RMDN2: variants seen among roughly 807,000 people sequenced by gnomAD.
RMDN2 encodes regulator of microtubule dynamics protein 2.
A neutral mutation model predicts 52.8 loss-of-function variants in RMDN2; 61 were observed. The ratio of observed to expected loss-of-function variants is 1.16; its 90% CI spans 0.94 to 1.43. The LOEUF (loss-of-function observed/expected upper bound fraction) is 1.43, where lower values mean the gene tolerates loss of function less well. Ranked by LOEUF, RMDN2 falls within the 40% of genes most tolerant of loss-of-function variation. The probability of loss-of-function intolerance (pLI) is 0.00; values close to 1 mark genes in which losing one functional copy is unlikely to be tolerated. For missense variants in RMDN2, 592 were observed against 475.3 expected, an observed-to-expected ratio of 1.25 and a Z score of -2.28; for synonymous variants, 180 against 153.1, an observed-to-expected ratio of 1.18 and a Z score of -1.30.
chr2:37,946,719 T>C (rs978616761), intron 2 of RMDN2, among the ~76,000 whole-genome samples: 2 of 152,168 alleles, frequency 1.3e-5, no homozygotes, highest in Admixed American at 6.6e-5. Context: ...GATGATTCTT[T>C]TTTTCAATAG....
intron 2 of RMDN2, among the ~76,000 whole-genome samples, chr2:37,934,836 T>C (rs1326398153): frequency 6.6e-6 from 1 of 152,230 alleles, no homozygotes; most frequent in African/African-American, 2.4e-5. Flanking sequence ...CCTCTCTTTG[T>C]CATATTTGAC....
intron 4 of RMDN2, among the ~76,000 whole-genome samples, chr2:37,977,582 G>A (rs959508739): frequency 5.9e-5 from 9 of 151,626 alleles, no homozygotes; most frequent in Non-Finnish European, 1.0e-4. Context: ...GCTGCTGGGC[G>A]GAGGGGCTCC....
chr2:37,926,046 G>C (rs1666251794), intron 1 of RMDN2, among the ~76,000 whole-genome samples: 1 of 152,218 alleles, frequency 6.6e-6, no homozygotes, highest in South Asian at 2.1e-4. Context: ...CCAGGACGCT[G>C]TAGGAAATCT....
intron 2 of RMDN2, among the ~76,000 whole-genome samples, chr2:37,972,878 C>T (rs537122042): frequency 8.1e-4 from 124 of 152,232 alleles, no homozygotes; most frequent in African/African-American, 3.0e-3. Context: ...GTAGAGTTTC[C>T]GTTAGTAAAG....
chr2:38,030,462 CAT>C (rs1291695547), intron 10 of RMDN2: 2 of 152,158 alleles, frequency 1.3e-5, no homozygotes, highest in African/African-American at 4.8e-5. Context: ...CACAGAGGAT[CAT>C]TCTTAACAAC....
At chr2:37,947,297 T>G (rs1346551293) in intron 2 of RMDN2, among the ~76,000 whole-genome samples, 1 of 151,964 alleles carries the variant, frequency 6.6e-6, no homozygotes, top group Non-Finnish European at 1.5e-5. Context: ...TATGTAGTAT[T>G]TGACTTTCTG....
At chr2:38,063,809 G>T (rs982750301) in intron 10 of RMDN2, among the ~76,000 whole-genome samples, 1 of 152,148 alleles carries the variant, frequency 6.6e-6, no homozygotes, top group Non-Finnish European at 1.5e-5. Context: ...GAAAGTTCCA[G>T]TAGTTTCACA....
upstream of RMDN2, among the ~76,000 whole-genome samples, chr2:37,921,723 G>A (rs570535290): frequency 6.7e-3 from 1,028 of 152,322 alleles, 4 homozygotes; most frequent in African/African-American, 0.023. Context: ...TGGGTTAAGA[G>A]AAAAGGCTCT....
chr2:37,983,994 G>T (rs569351069), intron 5 of RMDN2, among the ~76,000 whole-genome samples: 1 of 152,198 alleles, frequency 6.6e-6, no homozygotes, highest in African/African-American at 2.4e-5. Flanking sequence ...TTACTATCTG[G>T]CCCTACTGCA....
intron 7 of RMDN2, among the ~76,000 whole-genome samples, chr2:37,996,137 C>G (rs1349847223): frequency 1.3e-5 from 2 of 152,034 alleles, no homozygotes; most frequent in Admixed American, 6.6e-5. Context: ...ACTCATTATC[C>G]TGGATGAAAT....
At chr2:37,982,505 A>G (rs1232008071) in intron 5 of RMDN2, among the ~76,000 whole-genome samples, 4 of 151,542 alleles carry the variant, frequency 2.6e-5, no homozygotes, top group Non-Finnish European at 5.9e-5. Flanking sequence ...AGAAATCCTC[A>G]CTCCCAGTCT....
intron 10 of RMDN2, 77 bp downstream of exon 10, chr2:38,004,293 G>A: frequency 3.2e-6 from 3 of 937,656 alleles, no homozygotes; most frequent in Admixed American, 1.9e-5. Flanking sequence ...AACTCGCTTA[G>A]ATACATTTGT....
intron 10 of RMDN2, among the ~76,000 whole-genome samples, chr2:38,060,739 G>T (rs1434808445): frequency 6.6e-6 from 1 of 152,150 alleles, no homozygotes; most frequent in Non-Finnish European, 1.5e-5. Context: ...GACCTGACTT[G>T]TGGGGTCCAA....
intron 2 of RMDN2, chr2:37,952,201 G>A (rs1451615129): frequency 6.2e-6 from 10 of 1,612,704 alleles, no homozygotes; most frequent in Non-Finnish European, 8.5e-6. Flanking sequence ...CCTAAAATAA[G>A]GTCACCTCAG....
At chr2:37,986,614 C>G (rs1674052250) in intron 5 of RMDN2, among the ~76,000 whole-genome samples, 1 of 151,974 alleles carries the variant, frequency 6.6e-6, no homozygotes, top group Admixed American at 6.6e-5. Context: ...GTCTGCAAGA[C>G]CAGTTCAACA....
downstream of RMDN2, among the ~76,000 whole-genome samples, chr2:38,021,627 C>T (rs138093452): frequency 7.0e-3 from 1,071 of 152,288 alleles, 15 homozygotes; most frequent in African/African-American, 0.024. Flanking sequence ...CGAGGGTCCA[C>T]GGCTTCATTC....
rs571047182 is a variant in RMDN2, at chr2:38,005,939, G to C, written c.1179+1723G>C. On this transcript the variant is annotated intron_variant, in intron 10 of 10. Transcript: ENST00000354545. ...TACATATGGCTAGCCAGTTTTCCCAGCACCATTTATTAAGTAGGGGATCGT... is the reference window on the plus strand; with the variant it reads ...TACATATGGCTAGCCAGTTTTCCCACCACCATTTATTAAGTAGGGGATCGT... 5.9e-5 allele frequency among the ~76,000 whole-genome samples: 9 copies of C among 152,296 alleles called. No individual in the cohort carries two copies. In the East Asian group the frequency reaches 1.7e-3, roughly 29 times the overall value.
chr2:37,951,992 T>G lies in RMDN2; in HGVS notation c.453-22048T>G, dbSNP rs751079447. 10 of 1,613,320 alleles carry G rather than the reference T, an allele frequency of 6.2e-6. No homozygotes were observed. In the South Asian group the frequency reaches 1.1e-4, roughly 18 times the overall value. On this transcript the variant is annotated intron_variant, in intron 2 of 10. Transcript: ENST00000354545. Reference sequence around the variant, plus strand: ...CTCGTCCTGAAAGTTACAGCACAGATCATTCTCCAATCATGATTCCACAGC... The same window carrying G: ...CTCGTCCTGAAAGTTACAGCACAGAGCATTCTCCAATCATGATTCCACAGC...
intron 2 of RMDN2, among the ~76,000 whole-genome samples, chr2:37,946,329 C>T (rs1406609283): frequency 6.6e-6 from 1 of 151,946 alleles, no homozygotes; most frequent in African/African-American, 2.4e-5. Flanking sequence ...GGACTGTAGG[C>T]CATCTTTTAG....
Sources: allele counts gnomAD v4.1 joint callset (sites outside exome capture counted in the v4.1 genomes callset), GRCh38; gene constraint gnomAD v4.1.1; transcripts MANE v1.5; gene names NCBI Gene and HGNC (gene_info 2026-07-23, HGNC 2026-07-21).